EYS: variants seen among roughly 807,000 people sequenced by gnomAD.
EYS encodes the protein protein eyes shut homolog.
A neutral mutation model predicts 282.1 loss-of-function variants in EYS; 250 were observed. The ratio of observed to expected loss-of-function variants is 0.89; its 90% CI spans 0.80 to 0.98. The LOEUF is 0.98. Ranked by LOEUF, EYS falls within the 50% of genes least tolerant of loss-of-function variation. EYS has a pLI of 0.00. For missense variants in EYS, 4,016 were observed against 3,709.0 expected, an observed-to-expected ratio of 1.08 and a Z score of -2.15; for synonymous variants, 1,355 against 1,282.9, an observed-to-expected ratio of 1.06 and a Z score of -1.20.
At chr6:64,305,590 T>C (rs1008347568) in intron 30 of EYS, among the ~76,000 whole-genome samples, 2 of 152,212 alleles carry the variant, frequency 1.3e-5, no homozygotes, top group Non-Finnish European at 2.9e-5. Context: ...CTTATGTATA[T>C]GATTTTTGAC....
intron 37 of EYS, among the ~76,000 whole-genome samples, chr6:63,795,498 G>C (rs763081283): frequency 6.6e-6 from 1 of 152,156 alleles, no homozygotes; most frequent in Admixed American, 6.5e-5. Flanking sequence ...AGAAGGTATG[G>C]GTGGTAGTGA....
rs928035498 is a variant in EYS, at chr6:64,082,890, T to TA, written c.6425-889dup. Among the ~76,000 whole-genome samples the TA allele has an allele frequency of 3.4e-5, 5 of 148,914 alleles. No individual in the cohort carries two copies. The East Asian group carries it at 5.9e-4, about 18-fold the overall frequency. ...ATGCAACTTCTTTAACATTTGGTAA[T>TA]AAAAAAAAGAAAATGCAACTTCTTT... On this transcript the variant is annotated intron_variant, in intron 31 of 42. Transcript: ENST00000503581.
At chr6:64,648,513 A>G (rs1665478199) in intron 22 of EYS, among the ~76,000 whole-genome samples, 1 of 152,176 alleles carries the variant, frequency 6.6e-6, no homozygotes, top group South Asian at 2.1e-4. Context: ...AAACCACTAC[A>G]ATCTATAGGT....
chr6:64,617,612 G>T, intron 23 of EYS, 79 bp from the exon 24 acceptor site: 2 of 778,816 alleles, frequency 2.6e-6, no homozygotes, highest in Non-Finnish European at 2.1e-6. Context: ...TATATTTATT[G>T]GCTTTTACTA....
chr6:65,281,392 G>T (rs1182011406), intron 12 of EYS, among the ~76,000 whole-genome samples: 1 of 152,032 alleles, frequency 6.6e-6, no homozygotes, highest in African/African-American at 2.4e-5. Flanking sequence ...CACAATGTAT[G>T]TAGTTCTTAT....
chr6:64,061,697 G>C (rs983965101), intron 33 of EYS, among the ~76,000 whole-genome samples: 108 of 152,262 alleles, frequency 7.1e-4, no homozygotes, highest in African/African-American at 2.6e-3. Context: ...TTGAAAATAA[G>C]TTTTTATTAG....
chr6:64,173,271 G>C (rs1764535474), intron 31 of EYS, among the ~76,000 whole-genome samples: 1 of 152,134 alleles, frequency 6.6e-6, no homozygotes, highest in South Asian at 2.1e-4. Context: ...GTGACCAGGG[G>C]ATAGGTTTAG....
intron 2 of EYS, among the ~76,000 whole-genome samples, chr6:65,606,883 T>G (rs1050142248): frequency 3.6e-3 from 8 of 2,210 alleles, no homozygotes; most frequent in African/African-American, 0.034. Context: ...TCTTCCAAAG[T>G]ATTTTTTTTT....
At chr6:64,757,264 G>A (rs1772971777) in intron 22 of EYS, among the ~76,000 whole-genome samples, 1 of 152,080 alleles carries the variant, frequency 6.6e-6, no homozygotes, top group African/African-American at 2.4e-5. Context: ...AGTTAGTCCT[G>A]TTGATTTCTC....
At chr6:64,280,400 T>G (rs1020672131) in intron 30 of EYS, among the ~76,000 whole-genome samples, 13 of 152,088 alleles carry the variant, frequency 8.5e-5, no homozygotes, top group Non-Finnish European at 1.6e-4. Flanking sequence ...AGCTCAAAAA[T>G]TCTATTATTC....
chr6:64,363,449 T>C (rs1487134550), intron 29 of EYS, among the ~76,000 whole-genome samples: 8 of 151,920 alleles, frequency 5.3e-5, no homozygotes, highest in Admixed American at 3.3e-4. Context: ...TTTCATGTCT[T>C]GATCACGTTT....
At chr6:64,489,940 G>A (rs541536006) in intron 26 of EYS, among the ~76,000 whole-genome samples, 24 of 150,856 alleles carry the variant, frequency 1.6e-4, no homozygotes, top group African/African-American at 5.8e-4. Context: ...AATGAATAAC[G>A]TAATGATAGT....
chr6:64,950,798 C>CATAT (rs1171736217), intron 14 of EYS, among the ~76,000 whole-genome samples: 1,018 of 54,118 alleles, frequency 0.019, 26 homozygotes, highest in East Asian at 0.032. Context: ...TATACATATA[C>CATAT]ATATATATAT....
chr6:64,394,942 A>T (rs1364261120), intron 28 of EYS, among the ~76,000 whole-genome samples: 1 of 152,174 alleles, frequency 6.6e-6, no homozygotes, highest in South Asian at 2.1e-4. Flanking sequence ...CAAGAAAAAA[A>T]CAAACAACCC....
At chr6:65,408,912 A>C (rs1414914869) in intron 5 of EYS, among the ~76,000 whole-genome samples, 1 of 152,064 alleles carries the variant, frequency 6.6e-6, no homozygotes, top group Non-Finnish European at 1.5e-5. Context: ...TCTTAGCTAC[A>C]TTTCATAATT....
chr6:65,330,214 T>C (rs192582756), intron 11 of EYS: 5 of 963,042 alleles, frequency 5.2e-6, no homozygotes, highest in Non-Finnish European at 1.2e-6. Context: ...AGGTATCATG[T>C]CTCATTGTCA....
At chr6:64,360,427 T>C (rs1771964601) in intron 29 of EYS, among the ~76,000 whole-genome samples, 1 of 151,696 alleles carries the variant, frequency 6.6e-6, no homozygotes, top group Non-Finnish European at 1.5e-5. Context: ...TCGGCCTTCT[T>C]GTGTGCCGCT....
intron 12 of EYS, among the ~76,000 whole-genome samples, chr6:65,208,348 T>C (rs1191515346): frequency 6.6e-6 from 1 of 151,738 alleles, no homozygotes; most frequent in African/African-American, 2.4e-5. Flanking sequence ...TTATAAACAG[T>C]TGAGGGAAAG....
chr6:65,661,004 A>G (rs953913117), intron 1 of EYS, among the ~76,000 whole-genome samples: 3 of 151,914 alleles, frequency 2.0e-5, no homozygotes, highest in African/African-American at 4.8e-5. Flanking sequence ...ATAAGCTGTA[A>G]GTACAGTCTA....
Sources: allele counts gnomAD v4.1 joint callset (sites outside exome capture counted in the v4.1 genomes callset), GRCh38; gene constraint gnomAD v4.1.1; transcripts MANE v1.5; gene names NCBI Gene and HGNC (gene_info 2026-07-23, HGNC 2026-07-21).